Variants in HACE1 observed in about 807,000 individuals in gnomAD.
HACE1 encodes HECT domain and ankyrin repeat containing E3 ubiquitin protein ligase 1, also known as E3 ubiquitin-protein ligase HACE1.
A neutral mutation model predicts 118.4 loss-of-function variants in HACE1; 73 were observed. The ratio of observed to expected loss-of-function variants is 0.62; its 90% confidence interval spans 0.51 to 0.75. HACE1 has a LOEUF of 0.75. HACE1 is among the 30% of genes least tolerant of loss of function. The pLI is 0.00. For missense variants in HACE1, 749 were observed against 1,102.2 expected, an observed-to-expected ratio of 0.68 and a Z score of 4.54; for synonymous variants, 368 against 374.8, an observed-to-expected ratio of 0.98 and a Z score of 0.21.
intron 7 of HACE1, among the ~76,000 whole-genome samples, chr6:104,803,893 G>A (rs993309911): frequency 5.3e-5 from 8 of 152,236 alleles, no homozygotes; most frequent in African/African-American, 1.9e-4. Flanking sequence ...AGAAATAACA[G>A]TATTCAATTA....
At chr6:104,824,298 C>T (rs189528559) in intron 6 of HACE1, among the ~76,000 whole-genome samples, 24 of 152,272 alleles carry the variant, frequency 1.6e-4, no homozygotes, top group Middle Eastern at 3.4e-3. Context: ...TACACACATA[C>T]GATATTGAGA....
chr6:104,770,073 T>G (rs543875420), intron 19 of HACE1, among the ~76,000 whole-genome samples: 1 of 152,322 alleles, frequency 6.6e-6, no homozygotes, highest in South Asian at 2.1e-4. Context: ...TTCGAAGAAT[T>G]GTTAAACATA....
intron 22 of HACE1, among the ~76,000 whole-genome samples, chr6:104,743,724 GT>G (rs1445449340): frequency 3.3e-5 from 5 of 152,148 alleles, no homozygotes; most frequent in African/African-American, 1.2e-4. Context: ...ACACTTTAAA[GT>G]TTACTTTGAA....
chr6:104,741,200 A>T (rs1289832322), intron 22 of HACE1, among the ~76,000 whole-genome samples: 1 of 111,786 alleles, frequency 8.9e-6, no homozygotes, highest in East Asian at 2.3e-4. Context: ...CACAGCCAAT[A>T]TCATACTGAA....
intron 4 of HACE1, among the ~76,000 whole-genome samples, chr6:104,844,034 G>T (rs1302026001): frequency 1.1e-4 from 16 of 140,572 alleles, no homozygotes; most frequent in Non-Finnish European, 1.6e-4. Flanking sequence ...TTTTGTATGG[G>T]TTTTTTTTTT....
At chr6:104,815,918 T>C (rs9499982) in intron 6 of HACE1, among the ~76,000 whole-genome samples, 149,808 of 150,382 alleles carry the variant, frequency 1, 74,620 homozygotes, top group East Asian at 1. Flanking sequence ...ACTATAAATA[T>C]AAAAATTAGC....
chr6:104,779,298 C>T (rs1781506852), intron 14 of HACE1, among the ~76,000 whole-genome samples: 1 of 152,138 alleles, frequency 6.6e-6, no homozygotes, highest in Admixed American at 6.5e-5. Flanking sequence ...GCTTTTAGGA[C>T]ACCAATAAAT....
intron 9 of HACE1, among the ~76,000 whole-genome samples, chr6:104,796,130 G>A (rs1769594037): frequency 6.6e-6 from 1 of 151,932 alleles, no homozygotes; most frequent in African/African-American, 2.4e-5. Flanking sequence ...TAAAGATAGA[G>A]CATCACTGTA....
At chr6:104,842,866 C>A (rs1043773168) in intron 5 of HACE1, among the ~76,000 whole-genome samples, 1 of 152,192 alleles carries the variant, frequency 6.6e-6, no homozygotes, top group African/African-American at 2.4e-5. Flanking sequence ...AATCCCAGCA[C>A]TTTGGGAGGC....
chr6:104,749,750 A>T (rs1406505194), intron 20 of HACE1, among the ~76,000 whole-genome samples: 1 of 152,138 alleles, frequency 6.6e-6, no homozygotes, highest in Admixed American at 6.5e-5. Context: ...AAAAATGCAG[A>T]CATAAATCAT....
At position 104,730,429 on chromosome 6, in the gene HACE1, A is replaced by G. The variant is rs770811226; in HGVS notation, c.2514-13T>C. 1 of 1,079,666 alleles carries G rather than the reference A, an allele frequency of 9.3e-7. No individual in the cohort carries two copies. The allele number at this position is 1,079,666 out of a possible 1,614,324, so 66.9% of individuals were successfully genotyped here. ...TGGGACCCTGGAACTAAGAGTTTAT[A>G]TCTTAATACATTGTAATCATGAAAG... On this transcript the variant is annotated splice_polypyrimidine_tract_variant and intron_variant, in intron 22 of 23. Transcript: ENST00000262903.
intron 22 of HACE1, among the ~76,000 whole-genome samples, chr6:104,735,218 C>T (rs915303403): frequency 6.6e-6 from 1 of 151,740 alleles, no homozygotes; most frequent in South Asian, 2.1e-4. Context: ...AGAGTTAATA[C>T]CCCTAATATA....
intron 7 of HACE1, among the ~76,000 whole-genome samples, chr6:104,800,368 C>T (rs182645091): frequency 3.7e-4 from 56 of 152,270 alleles, no homozygotes; most frequent in Admixed American, 7.8e-4. Context: ...CAGTGGTTCT[C>T]CCACCACAGC....
At position 104,776,784 on chromosome 6, in the gene HACE1, C is replaced by T; in HGVS notation, c.1821G>A (p.Glu607=). ...VREWFDILSN[E]IVNPDYALFT... ...ACAATGCATAATCAGGATTGACTAT[C>T]TCATTGGACAGAATATCAAACCACT... The change falls in exon 17 of 24, where the codon GAG becomes GAA. Residue 607 remains glutamate (E), a synonymous_variant. Transcript: ENST00000262903. 1 of 1,610,840 alleles carries T rather than the reference C, an allele frequency of 6.2e-7. No individual in the cohort carries two copies. The highest frequency in any genetic ancestry group is 8.5e-7 in the Non-Finnish European group (1 of 1,177,062).
chr6:104,844,660 AC>A lies in HACE1; in HGVS notation c.327-1363del, dbSNP rs551404820. On this transcript the variant is annotated intron_variant, in intron 4 of 23. Transcript: ENST00000262903. ...GCCACTGCACCCAGCCTCCATCACA[AC>A]CTTTTTTTTTTTTTTTTTGAGACAG... 5.6e-3 allele frequency among the ~76,000 whole-genome samples: 776 copies of A among 139,640 alleles called. 3 individuals are homozygous for A. The highest frequency in any genetic ancestry group is 8.8e-3 in the Non-Finnish European group (576 of 65,200). The allele number at this position is 139,640 out of a possible 152,430, so 91.6% of individuals were successfully genotyped here.
chr6:104,777,281 A>G lies in HACE1; in HGVS notation c.1603T>C (p.Leu535=). Residue 535 remains leucine, a synonymous_variant, in exon 15 of 24, where the codon TTG becomes CTG. Transcript: ENST00000262903. ...TCTGAATCTGGCTGTCCTGAATGCA[A>G]ATGTTCATAGAACCATTCACAGCGA... is the stretch of plus-strand genomic sequence containing the variant. The part of the protein sequence containing the change: ...KDRCEWFYEH[L]HSGQPDSDMV... 2 of 1,613,452 alleles carry G rather than the reference A, an allele frequency of 1.2e-6. No individual in the cohort carries two copies. Among genetic ancestry groups the G allele is most frequent in the African/African-American group, 1.3e-5 (1 of 75,058 alleles).
At chr6:104,779,394 CGAT>C (rs1367692332) in intron 14 of HACE1, among the ~76,000 whole-genome samples, 1 of 152,086 alleles carries the variant, frequency 6.6e-6, no homozygotes, top group Non-Finnish European at 1.5e-5. Flanking sequence ...ACAATATGAT[CGAT>C]GAGAGATGAA....
At chr6:104,741,767 A>G (rs551744037) in intron 22 of HACE1, among the ~76,000 whole-genome samples, 3 of 149,258 alleles carry the variant, frequency 2.0e-5, no homozygotes, top group East Asian at 2.0e-4. Flanking sequence ...TGCCATCCCC[A>G]TCAAGCTACC....
At chr6:104,736,857 A>C (rs1775900121) in intron 22 of HACE1, among the ~76,000 whole-genome samples, 1 of 152,246 alleles carries the variant, frequency 6.6e-6, no homozygotes, top group South Asian at 2.1e-4. Flanking sequence ...AAAAATAAGC[A>C]AAATGTTAAT....
Sources: gnomAD v4.1 joint callset for allele counts (sites outside exome capture counted in the v4.1 genomes callset) on GRCh38, gnomAD v4.1.1 for gene constraint, MANE v1.5 for transcripts, NCBI Gene and HGNC (gene_info 2026-07-23, HGNC 2026-07-21) for gene names.